The following KCNIP4 variants were observed in gnomAD, a reference collection of about 807,000 sequenced individuals.
The protein encoded by KCNIP4 is Kv channel-interacting protein 4.
A neutral mutation model predicts 34.0 loss-of-function variants in KCNIP4; 12 were observed. That is an observed-to-expected ratio of 0.35 (90% confidence interval 0.23 to 0.57). KCNIP4 has a LOEUF of 0.57. Ranked by LOEUF, KCNIP4 falls within the 20% of genes least tolerant of loss-of-function variation. KCNIP4 has a pLI of 0.83. For missense variants in KCNIP4, 238 were observed against 311.7 expected, an observed-to-expected ratio of 0.76 and a Z score of 1.78; for synonymous variants, 124 against 102.2, an observed-to-expected ratio of 1.21 and a Z score of -1.29.
chr4:21,168,430 T>C (rs779423063), intron 1 of KCNIP4, among the ~76,000 whole-genome samples: 1 of 152,182 alleles, frequency 6.6e-6, no homozygotes, highest in Non-Finnish European at 1.5e-5. Flanking sequence ...CAAAAAGAAG[T>C]ATCCATACCT....
At chr4:21,242,543 A>C (rs1179666851) in intron 1 of KCNIP4, among the ~76,000 whole-genome samples, 1 of 152,174 alleles carries the variant, frequency 6.6e-6, no homozygotes, top group Non-Finnish European at 1.5e-5. Context: ...CAGTGGACTC[A>C]GTTAAGTAGA....
intron 1 of KCNIP4, among the ~76,000 whole-genome samples, chr4:21,025,863 G>A (rs966908677): frequency 6.6e-6 from 1 of 151,920 alleles, no homozygotes; most frequent in Non-Finnish European, 1.5e-5. Context: ...CCTGATACTG[G>A]TTTTTAAAAT....
chr4:21,478,364 C>A (rs1282172536), intron 1 of KCNIP4, among the ~76,000 whole-genome samples: 1 of 152,038 alleles, frequency 6.6e-6, no homozygotes, highest in Non-Finnish European at 1.5e-5. Context: ...TCCTTAGTGC[C>A]TTCTAAAGTC....
chr4:21,085,417 T>G (rs1404815130), intron 1 of KCNIP4, among the ~76,000 whole-genome samples: 1 of 152,224 alleles, frequency 6.6e-6, no homozygotes, highest in Non-Finnish European at 1.5e-5. Flanking sequence ...CTGAGCTGAC[T>G]AAGACACCCA....
At chr4:21,413,906 C>T (rs552250623) in intron 1 of KCNIP4, among the ~76,000 whole-genome samples, 2 of 152,298 alleles carry the variant, frequency 1.3e-5, no homozygotes, top group East Asian at 3.9e-4. Flanking sequence ...TTAACCAAGT[C>T]CCATTACACT....
intron 1 of KCNIP4, among the ~76,000 whole-genome samples, chr4:21,596,185 G>A (rs1742629456): frequency 6.6e-6 from 1 of 151,934 alleles, no homozygotes; most frequent in South Asian, 2.1e-4. Context: ...TTTGTCTTAA[G>A]GCAAATTGGC....
At chr4:21,135,211 T>C (rs533918642) in intron 1 of KCNIP4, among the ~76,000 whole-genome samples, 12 of 152,330 alleles carry the variant, frequency 7.9e-5, no homozygotes, top group African/African-American at 2.4e-4. Context: ...TCAAAAGCAT[T>C]ATTCTCTTCA....
At chr4:21,109,857 T>C (rs1046815906) in intron 1 of KCNIP4, among the ~76,000 whole-genome samples, 15 of 152,222 alleles carry the variant, frequency 9.9e-5, no homozygotes, top group African/African-American at 3.1e-4. Flanking sequence ...AAAGTCTCTC[T>C]TTGCTTACTT....
In KCNIP4 at chr4:21,091,479, T is replaced by A. The variant is rs576521952; in HGVS notation, c.62-208770A>T. 3.3e-5 allele frequency among the ~76,000 whole-genome samples: 5 copies of A among 152,312 alleles called. No homozygotes were observed. In the South Asian group the frequency reaches 1.0e-3, roughly 32 times the overall value. On this transcript the variant is annotated intron_variant, in intron 1 of 8. Transcript: ENST00000382152. Reference sequence around the variant, plus strand: ...GAAAAGACTAGGGCTTGAATTCTGGTTTCTCATTTCATAACTAGTAAATCC... The same window carrying A: ...GAAAAGACTAGGGCTTGAATTCTGGATTCTCATTTCATAACTAGTAAATCC...
intron 1 of KCNIP4, among the ~76,000 whole-genome samples, chr4:21,034,837 G>T (rs1238219720): frequency 6.6e-6 from 1 of 152,220 alleles, no homozygotes. Context: ...AGCTCTTGGA[G>T]TTAGGTAACG....
chr4:21,945,382 G>A (rs757475142), intron 1 of KCNIP4, among the ~76,000 whole-genome samples: 2 of 152,072 alleles, frequency 1.3e-5, no homozygotes, highest in South Asian at 2.1e-4. Flanking sequence ...ACATTTATAT[G>A]ACATAAAGAA....
chr4:21,708,059 TG>T (rs1208343432), intron 1 of KCNIP4, among the ~76,000 whole-genome samples: 2 of 152,018 alleles, frequency 1.3e-5, no homozygotes, highest in Admixed American at 1.3e-4. Context: ...AATAAGGAAC[TG>T]GGGTTCTAAT....
chr4:21,744,514 T>C (rs762602736), intron 1 of KCNIP4, among the ~76,000 whole-genome samples: 1 of 152,206 alleles, frequency 6.6e-6, no homozygotes, highest in Non-Finnish European at 1.5e-5. Context: ...TACAGTCTGA[T>C]AGAGCTATCC....
intron 1 of KCNIP4, among the ~76,000 whole-genome samples, chr4:21,917,120 AG>A (rs1181599334): frequency 6.8e-6 from 1 of 146,476 alleles, no homozygotes; most frequent in Non-Finnish European, 1.5e-5. Flanking sequence ...TATTTAGTAC[AG>A]TTTTGTTTTT....
At chr4:21,834,578 C>A (rs1392811271) in intron 1 of KCNIP4, among the ~76,000 whole-genome samples, 3 of 152,108 alleles carry the variant, frequency 2.0e-5, no homozygotes, top group Middle Eastern at 3.2e-3. Context: ...ATTGAATACC[C>A]TTTATTTCCT....
chr4:21,291,872 AAAGAAAGAAAGAAAG>A (rs1560259880), intron 1 of KCNIP4, among the ~76,000 whole-genome samples: 1 of 9,740 alleles, frequency 1.0e-4, no homozygotes, highest in African/African-American at 6.1e-4. Context: ...AAAAAAAAAG[AAAGAAAGAAAGAAAG>A]AAAGAAAGAA....
chr4:21,067,471 G>A (rs1265744403), intron 1 of KCNIP4, among the ~76,000 whole-genome samples: 1 of 152,114 alleles, frequency 6.6e-6, no homozygotes, highest in Non-Finnish European at 1.5e-5. Context: ...CTGATTCCAG[G>A]CCTTGGCTCC....
intron 1 of KCNIP4, among the ~76,000 whole-genome samples, chr4:21,618,091 T>C (rs1744725560): frequency 6.6e-6 from 1 of 152,198 alleles, no homozygotes; most frequent in Admixed American, 6.5e-5. Context: ...GGTAGTAACA[T>C]ACTATTCAAA....
At chr4:20,812,150 A>G (rs1484729658) in intron 3 of KCNIP4, among the ~76,000 whole-genome samples, 1 of 152,226 alleles carries the variant, frequency 6.6e-6, no homozygotes, top group Non-Finnish European at 1.5e-5. Flanking sequence ...CAGCTTGAAG[A>G]TATCAAAGGC....
Sources: gnomAD v4.1 joint callset for allele counts (sites outside exome capture counted in the v4.1 genomes callset) on GRCh38, gnomAD v4.1.1 for gene constraint, MANE v1.5 for transcripts, NCBI Gene and HGNC (gene_info 2026-07-23, HGNC 2026-07-21) for gene names.